Variants in RAP1GAP observed in about 807,000 individuals in gnomAD.
RAP1GAP encodes the protein rap1 GTPase-activating protein 1.
Under a neutral mutation model 87.2 loss-of-function variants are expected in RAP1GAP, and 35 were observed. The ratio of observed to expected loss-of-function variants is 0.40; its 90% CI spans 0.31 to 0.53. The LOEUF is 0.53. Among genes scored for constraint, RAP1GAP ranks in the 20% least tolerant of loss-of-function variants. RAP1GAP has a pLI of 0.48. For missense variants in RAP1GAP, 734 were observed against 898.9 expected, an observed-to-expected ratio of 0.82 and a Z score of 2.35; for synonymous variants, 375 against 363.9, an observed-to-expected ratio of 1.03 and a Z score of -0.35.
At position 21,668,178 on chromosome 1, in the gene RAP1GAP, G is replaced by T. The variant is rs1408716800; in HGVS notation, c.-149+1076C>A. Among the ~76,000 whole-genome samples the T allele has an allele frequency of 6.6e-6, 1 of 152,166 alleles. No individual in the cohort carries two copies. The highest frequency in any genetic ancestry group is 1.5e-5 in the Non-Finnish European group (1 of 68,010). ...GGAGGGACCACTACCTGTGCAGGGG[G>T]GGCCAGGAGCCTCCTGAGAGCCTCA... On this transcript the variant is annotated intron_variant, in intron 1 of 24. Coordinates refer to ENST00000374765, the MANE Select transcript of RAP1GAP (RefSeq NM_002885.4). This position sits in a 1 kb window ranked among gnomAD's most constrained non-coding sequence, Gnocchi z 6.2.
rs1018600837 is a variant in RAP1GAP at position 21,634,065 on chromosome 1, G to T, written c.-112-7668C>A. Among the ~76,000 whole-genome samples, 12 of 75,718 alleles carry T rather than the reference G, an allele frequency of 1.6e-4. No homozygotes were observed. Among genetic ancestry groups the T allele is most frequent in the Admixed American group, 8.3e-4 (6 of 7,206 alleles). 49.7% of individuals were successfully genotyped at this position (75,718 alleles called of 152,430 possible). On this transcript the variant is annotated intron_variant, in intron 2 of 24. Transcript: ENST00000374765. This position sits in a 1 kb window ranked among gnomAD's most constrained non-coding sequence, Gnocchi z 4.1. ...CCCAGAACTGCCCCCTCCCGGGGGG[G>T]GGGGGGGGCCACAGAAGCCCATTGT...
chr1:21,611,894 A>T, intron 11 of RAP1GAP, 78 bp from the exon 12 acceptor site: 1 of 1,514,242 alleles, frequency 6.6e-7, no homozygotes, highest in Non-Finnish European at 9.2e-7. Flanking sequence ...GGACCCAGAG[A>T]GGGCCGGAGG....
chr1:21,607,142 C>T (rs1034115612), intron 17 of RAP1GAP, among the ~76,000 whole-genome samples: 1 of 152,164 alleles, frequency 6.6e-6, no homozygotes, highest in Non-Finnish European at 1.5e-5. Context: ...GGAGGATGGG[C>T]AGTTATCCTC....
intron 1 of RAP1GAP, among the ~76,000 whole-genome samples, chr1:21,651,092 C>T (rs368269451): frequency 2.6e-5 from 4 of 152,188 alleles, no homozygotes; most frequent in South Asian, 4.1e-4. Context: ...GCCAAATCTC[C>T]GCAACAGGCA....
chr1:21,616,921 C>T (rs2082545003), intron 7 of RAP1GAP, among the ~76,000 whole-genome samples: 1 of 152,190 alleles, frequency 6.6e-6, no homozygotes, highest in Non-Finnish European at 1.5e-5. Flanking sequence ...CTCACTAAAG[C>T]CTCACAGCAA....
At chr1:21,649,138 C>T (rs191544678) in intron 2 of RAP1GAP, among the ~76,000 whole-genome samples, 2 of 152,266 alleles carry the variant, frequency 1.3e-5, no homozygotes, top group East Asian at 1.9e-4. Flanking sequence ...CGATGTATCC[C>T]GAGGTGAGGC....
chr1:21,650,079 G>T (rs955078680), intron 1 of RAP1GAP, among the ~76,000 whole-genome samples: 1 of 151,800 alleles, frequency 6.6e-6, no homozygotes, highest in African/African-American at 2.4e-5. Context: ...GGGGTGGGGG[G>T]ACAGGTGGAG....
At position 21,620,033 on chromosome 1, in the gene RAP1GAP, C is replaced by G; in HGVS notation, c.-1G>C. ...TCCTCACCTGCATCTTCTCAATCAT[C>G]TCAAATAGATCTGTGTTCTGCAACA... On this transcript the variant is annotated 5_prime_UTR_variant, in exon 4 of 25. Coordinates refer to ENST00000374765, the MANE Select transcript of RAP1GAP (RefSeq NM_002885.4). 6.2e-7 allele frequency: 1 copy of G among 1,613,886 alleles called. No individual in the cohort carries two copies. Among genetic ancestry groups the G allele is most frequent in the East Asian group, 2.2e-5 (1 of 44,880 alleles).
intron 1 of RAP1GAP, among the ~76,000 whole-genome samples, chr1:21,650,117 C>T (rs2096443295): frequency 1.3e-5 from 2 of 151,936 alleles, no homozygotes; most frequent in African/African-American, 4.8e-5. Flanking sequence ...CAGCTTGGAT[C>T]ATGGCAAGGA....
At chr1:21,653,663 C>A (rs867339589) in intron 1 of RAP1GAP, among the ~76,000 whole-genome samples, 17 of 151,832 alleles carry the variant, frequency 1.1e-4, no homozygotes, top group African/African-American at 4.1e-4. Flanking sequence ...TCCCTCCCTC[C>A]TTCCTAAGTA....
intron 2 of RAP1GAP, among the ~76,000 whole-genome samples, chr1:21,647,790 G>A (rs1021371156): frequency 6.6e-6 from 1 of 152,190 alleles, no homozygotes; most frequent in Admixed American, 6.5e-5. Context: ...AGGGAATGGG[G>A]GTGTGGGGAT....
rs554695180 is a variant in RAP1GAP at position 21,621,241 on chromosome 1, G to C, written c.-18-1191C>G. On this transcript the variant is annotated intron_variant, in intron 3 of 24. Transcript: ENST00000374765. ...CATGACAACACGCAGCCACAGAGGC[G>C]GGCAGGTGTGTCCAGGGAGACCCAG... 4.6e-5 allele frequency among the ~76,000 whole-genome samples: 7 copies of C among 152,260 alleles called. No homozygotes were observed. In the South Asian group the frequency reaches 1.5e-3, roughly 32 times the overall value.
In RAP1GAP at chr1:21,620,104, G is replaced by T. The variant is rs1259256102; in HGVS notation, c.-18-54C>A. On this transcript the variant is annotated intron_variant, in intron 3 of 24. Transcript: ENST00000374765. ...CAGCTGATCCCGCCAAGCCCCAGAG[G>T]AGTCTCCACCCGCCCCGGCCCTCCG... The T allele has an allele frequency of 2.5e-6, 4 of 1,606,630 alleles. No individual in the cohort carries two copies. In the African/African-American group the frequency reaches 5.4e-5, roughly 21 times the overall value.
intron 19 of RAP1GAP, 37 bp downstream of exon 19, chr1:21,602,767 A>C: frequency 1.3e-6 from 2 of 1,546,012 alleles, no homozygotes; most frequent in Non-Finnish European, 1.8e-6. Context: ...AGGGATGGGG[A>C]TGCAGGGGAA....
rs770591950 is a variant in RAP1GAP at position 21,603,710 on chromosome 1, G to A, written c.1429-797C>T. ...ATCGGAGCTGCCGCCACTCCATCCC[G>A]CACGCCCTGGGGCCTGTCCCGGGGG... On this transcript the variant is annotated intron_variant, in intron 18 of 24. Transcript: ENST00000374765. This position sits in a 1 kb window ranked among gnomAD's most constrained non-coding sequence, Gnocchi z 6.0. 1 of 1,058,444 alleles carries A rather than the reference G, an allele frequency of 9.4e-7. No homozygotes were observed. Among genetic ancestry groups the A allele is most frequent in the South Asian group, 1.3e-5 (1 of 79,590 alleles). 65.6% of individuals were successfully genotyped at this position (1,058,444 alleles called of 1,614,324 possible).
At chr1:21,656,513 CATT>C (rs1481727133) in intron 1 of RAP1GAP, among the ~76,000 whole-genome samples, 3 of 150,616 alleles carry the variant, frequency 2.0e-5, no homozygotes. Context: ...CTGAAAGTAT[CATT>C]ATCCTTACTT....
chr1:21,643,839 G>T (rs916440645), intron 2 of RAP1GAP, among the ~76,000 whole-genome samples: 1 of 152,204 alleles, frequency 6.6e-6, no homozygotes, highest in Admixed American at 6.5e-5. Context: ...CACACAGCAA[G>T]TAAGTGGAAG....
intron 14 of RAP1GAP, 62 bp downstream of exon 14, chr1:21,610,058 G>A: frequency 5.1e-6 from 8 of 1,569,878 alleles, no homozygotes; most frequent in Non-Finnish European, 6.9e-6. Context: ...GGCATCCCAG[G>A]GAGGGCAGAG....
chr1:21,629,376 C>G (rs1189980875), intron 2 of RAP1GAP, among the ~76,000 whole-genome samples: 2 of 152,210 alleles, frequency 1.3e-5, no homozygotes, highest in Non-Finnish European at 2.9e-5. Flanking sequence ...CCAGAACCCT[C>G]TCTGCCTCAG....
Sources: allele counts gnomAD v4.1 joint callset (sites outside exome capture counted in the v4.1 genomes callset), GRCh38; gene constraint gnomAD v4.1.1; non-coding constraint Gnocchi (gnomAD v3.1); transcripts MANE v1.5; gene names NCBI Gene and HGNC (gene_info 2026-07-23, HGNC 2026-07-21).